SYNPR: variants seen among roughly 807,000 people sequenced by gnomAD.
SYNPR encodes synaptoporin.
In SYNPR, 23 loss-of-function variants were observed where a neutral mutation model predicts 32.9. The observed-to-expected ratio is 0.70, with a 90% confidence interval of 0.50 to 0.99. The LOEUF (loss-of-function observed/expected upper bound fraction) is 0.99, where lower values mean the gene tolerates loss of function less well. Ranked by LOEUF, SYNPR falls within the 50% of genes least tolerant of loss-of-function variation. The pLI is 0.00. For synonymous variants in SYNPR, 146 were observed against 135.9 expected (o/e 1.07, Z -0.52); for missense variants, 318 against 349.3 (o/e 0.91, Z 0.71).
intron 4 of SYNPR, among the ~76,000 whole-genome samples, chr3:63,605,898 G>C (rs1454377700): frequency 6.6e-6 from 1 of 152,206 alleles, no homozygotes; most frequent in South Asian, 2.1e-4. Context: ...CTGCTATGGG[G>C]CATGTATGTT....
chr3:63,476,111 GAGGAAGGAAGGAAGGA>G (rs765639648), intron 2 of SYNPR, among the ~76,000 whole-genome samples: 3 of 67,776 alleles, frequency 4.4e-5, no homozygotes, highest in Admixed American at 1.4e-4. Context: ...AGGGAGGGGG[GAGGAAGGAAGGAAGGA>G]AGGAAGGAAG....
At chr3:63,548,836 A>G (rs117462958) in intron 3 of SYNPR, among the ~76,000 whole-genome samples, 1 of 152,070 alleles carries the variant, frequency 6.6e-6, no homozygotes, top group South Asian at 2.1e-4. Context: ...TGCCCTTGGG[A>G]CATGTCATTT....
At chr3:63,308,725 G>A (rs563958807) in intron 2 of SYNPR, among the ~76,000 whole-genome samples, 4 of 151,772 alleles carry the variant, frequency 2.6e-5, no homozygotes, top group African/African-American at 7.2e-5. Context: ...TTTTCTCCCT[G>A]GGTGCATTTA....
At chr3:63,345,164 C>G (rs11705961) in intron 2 of SYNPR, among the ~76,000 whole-genome samples, 21,187 of 152,218 alleles carry the variant, frequency 0.14, 1,603 homozygotes, top group African/African-American at 0.17. Flanking sequence ...AGAATTCATG[C>G]TCTCACATAA....
chr3:63,205,575 A>G, the SYNPR span, among the ~76,000 whole-genome samples: 1 of 152,232 alleles, frequency 6.6e-6, no homozygotes, highest in Non-Finnish European at 1.5e-5. Flanking sequence ...CAATGAAATC[A>G]TCGTCACACT....
intron 2 of SYNPR, among the ~76,000 whole-genome samples, chr3:63,430,147 A>G (rs570171658): frequency 2.0e-5 from 3 of 152,230 alleles, no homozygotes; most frequent in Non-Finnish European, 2.9e-5. Context: ...GGAAGTACAG[A>G]TATGCATGAC....
In SYNPR at chr3:63,494,421, A is replaced by ATATAGG. The variant is rs1559516278; in HGVS notation, c.209+13469_209+13470insGGTATA. Among the ~76,000 whole-genome samples, 8 of 20,874 alleles carry ATATAGG rather than the reference A, an allele frequency of 3.8e-4. No individual in the cohort carries two copies. The South Asian group carries it at 9.4e-3, about 25-fold the overall frequency. 13.7% of individuals were successfully genotyped at this position (20,874 alleles called of 152,430 possible). A position where few individuals can be genotyped will look rare whatever the true frequency, so the allele number is the denominator to read the frequency against. On this transcript the variant is annotated intron_variant, in intron 3 of 5. Coordinates refer to ENST00000478300, the MANE Select transcript of SYNPR (RefSeq NM_001130003.2). ...TATATATATATATATATATATACGT[A>ATATAGG]TATATATATATACGTATATATATAT...
chr3:63,482,931 A>G (rs6445352), intron 3 of SYNPR, among the ~76,000 whole-genome samples: 5,023 of 152,318 alleles, frequency 0.033, 278 homozygotes, highest in African/African-American at 0.11. Context: ...AGATGCTGGT[A>G]ATATAAATAA....
At chr3:63,552,477 T>C (rs757162062) in intron 3 of SYNPR, among the ~76,000 whole-genome samples, 6 of 152,184 alleles carry the variant, frequency 3.9e-5, no homozygotes, top group Non-Finnish European at 7.3e-5. Flanking sequence ...TACACATTTA[T>C]GTTTGTTAAG....
At position 63,616,720 on chromosome 3, in the gene SYNPR, T is replaced by C. The variant is rs921502394; in HGVS notation, c.*1239T>C. ...ACTCAGCTGAAACACCAGGACCCAA[T>C]AGAGAGGGCAAGCTGAGCATCTGTA... On this transcript the variant is annotated 3_prime_UTR_variant, in exon 6 of 6. Coordinates refer to ENST00000478300, the MANE Select transcript of SYNPR (RefSeq NM_001130003.2). 1 of 152,540 alleles carries C rather than the reference T, an allele frequency of 6.6e-6. No homozygotes were observed. Among genetic ancestry groups the C allele is most frequent in the African/African-American group, 2.4e-5 (1 of 41,416 alleles). The allele number at this position is 152,540 out of a possible 1,614,324, so 9.4% of individuals were successfully genotyped here.
intron 2 of SYNPR, among the ~76,000 whole-genome samples, chr3:63,415,558 C>A (rs2088529158): frequency 6.6e-6 from 1 of 152,120 alleles, no homozygotes; most frequent in East Asian, 1.9e-4. Flanking sequence ...CCTGTCACAA[C>A]TGCTCCACTC....
At chr3:63,433,631 C>A (rs1700029380) in intron 2 of SYNPR, among the ~76,000 whole-genome samples, 1 of 152,166 alleles carries the variant, frequency 6.6e-6, no homozygotes, top group Non-Finnish European at 1.5e-5. Context: ...GCATGAGCTG[C>A]TTCGTGGTGG....
intron 5 of SYNPR, among the ~76,000 whole-genome samples, chr3:63,614,467 A>G (rs1006848803): frequency 2.0e-5 from 3 of 152,206 alleles, no homozygotes; most frequent in African/African-American, 7.2e-5. Context: ...TCCATAGGAA[A>G]GTTTCACATC....
upstream of SYNPR, among the ~76,000 whole-genome samples, chr3:63,224,206 T>C (rs956850252): frequency 6.6e-6 from 1 of 152,234 alleles, no homozygotes; most frequent in Non-Finnish European, 1.5e-5. Flanking sequence ...CTTTGCCTCC[T>C]GTCAGATCAG....
At chr3:63,274,279 T>C (rs747485237), upstream of SYNPR, among the ~76,000 whole-genome samples, 1 of 152,250 alleles carries the variant, frequency 6.6e-6, no homozygotes, top group Non-Finnish European at 1.5e-5. Flanking sequence ...TTAATTAGCC[T>C]GAATAATGCA....
chr3:63,502,583 T>C (rs7622229), intron 3 of SYNPR, among the ~76,000 whole-genome samples: 32,166 of 151,946 alleles, frequency 0.21, 3,739 homozygotes, highest in African/African-American at 0.31. Context: ...CTGACAACCA[T>C]TGATGCTTTT....
chr3:63,265,924 G>C (rs962943499), intron 2 of SYNPR, among the ~76,000 whole-genome samples: 1 of 152,150 alleles, frequency 6.6e-6, no homozygotes. Flanking sequence ...ATTTAAAGTG[G>C]ATGCATCAAT....
intron 4 of SYNPR, among the ~76,000 whole-genome samples, chr3:63,561,007 T>A (rs73118751): frequency 0.15 from 22,602 of 152,164 alleles, 2,206 homozygotes; most frequent in South Asian, 0.34. Flanking sequence ...TTAAAAAAAA[T>A]TTATGTAATT....
chr3:63,475,602 C>T (rs1239387212), intron 2 of SYNPR, among the ~76,000 whole-genome samples: 1 of 152,130 alleles, frequency 6.6e-6, no homozygotes, highest in East Asian at 1.9e-4. Flanking sequence ...GCATAGCGCG[C>T]ACACACACCA....
Sources: gnomAD v4.1 joint callset for allele counts (sites outside exome capture counted in the v4.1 genomes callset) on GRCh38, gnomAD v4.1.1 for gene constraint, MANE v1.5 for transcripts, NCBI Gene and HGNC (gene_info 2026-07-23, HGNC 2026-07-21) for gene names.